CLSTN2: variants seen among roughly 807,000 people sequenced by gnomAD.
The protein encoded by CLSTN2 is calsyntenin-2.
CLSTN2 carries 48 observed loss-of-function variants against 101.2 expected under a neutral mutation model. The ratio of observed to expected loss-of-function variants is 0.47; its 90% CI spans 0.38 to 0.60. The LOEUF is 0.60. Among genes scored for constraint, CLSTN2 ranks in the 20% least tolerant of loss-of-function variants. CLSTN2 has a pLI of 0.00. For synonymous variants in CLSTN2, 481 were observed against 463.6 expected (o/e 1.04, Z -0.48); for missense variants, 1,160 against 1,238.2 (o/e 0.94, Z 0.95).
intron 1 of CLSTN2, among the ~76,000 whole-genome samples, chr3:139,984,891 A>G (rs892049663): frequency 6.6e-6 from 1 of 152,130 alleles, no homozygotes; most frequent in Admixed American, 6.6e-5. Flanking sequence ...CCTACTCCCC[A>G]CTGCCAATCC....
At chr3:140,302,064 T>A (rs1414530403) in intron 2 of CLSTN2, among the ~76,000 whole-genome samples, 1 of 152,256 alleles carries the variant, frequency 6.6e-6, no homozygotes, top group African/African-American at 2.4e-5. Flanking sequence ...GCTTCTATGC[T>A]GTTATGTAGA....
chr3:140,034,770 G>A (rs2007623874), intron 1 of CLSTN2, among the ~76,000 whole-genome samples: 1 of 152,198 alleles, frequency 6.6e-6, no homozygotes, highest in African/African-American at 2.4e-5. Context: ...GTGTGAGATA[G>A]AGACTGTAAG....
At chr3:140,094,613 C>G (rs910502077) in intron 1 of CLSTN2, among the ~76,000 whole-genome samples, 2 of 152,286 alleles carry the variant, frequency 1.3e-5, no homozygotes, top group Admixed American at 6.5e-5. Flanking sequence ...GCTCAAAACT[C>G]TTTCTAATTT....
intron 8 of CLSTN2, among the ~76,000 whole-genome samples, chr3:140,513,017 A>T (rs1171279297): frequency 6.6e-6 from 1 of 152,206 alleles, no homozygotes; most frequent in African/African-American, 2.4e-5. Context: ...TTTTCAACTA[A>T]GACGATGGGA....
chr3:140,391,937 T>A (rs1576545689), intron 2 of CLSTN2, among the ~76,000 whole-genome samples: 1 of 152,262 alleles, frequency 6.6e-6, no homozygotes, highest in Admixed American at 6.5e-5. Context: ...GTTTGGGAAC[T>A]GAAGCTAAAT....
At chr3:140,368,743 T>C (rs2087820441) in intron 2 of CLSTN2, among the ~76,000 whole-genome samples, 2 of 152,184 alleles carry the variant, frequency 1.3e-5, no homozygotes, top group African/African-American at 4.8e-5. Flanking sequence ...TGAAAGGCCC[T>C]CTGCATGGGA....
chr3:140,145,881 G>A (rs2009773608), intron 1 of CLSTN2, among the ~76,000 whole-genome samples: 1 of 152,230 alleles, frequency 6.6e-6, no homozygotes, highest in South Asian at 2.1e-4. Context: ...ATAGAACATT[G>A]TGTCTGATGA....
chr3:139,952,923 A>T (rs1475159352), intron 1 of CLSTN2, among the ~76,000 whole-genome samples: 2 of 152,060 alleles, frequency 1.3e-5, no homozygotes, highest in Non-Finnish European at 2.9e-5. Context: ...ACCTCCCTTC[A>T]CCAAGGGTGG....
chr3:139,944,884 C>T (rs1237660002), intron 1 of CLSTN2, among the ~76,000 whole-genome samples: 3 of 152,204 alleles, frequency 2.0e-5, no homozygotes, highest in African/African-American at 2.4e-5. Flanking sequence ...TACTCGCTTC[C>T]GCACATGCGT....
At chr3:140,339,805 A>T (rs751717582) in intron 2 of CLSTN2, among the ~76,000 whole-genome samples, 11 of 152,260 alleles carry the variant, frequency 7.2e-5, no homozygotes, top group Admixed American at 1.3e-4. Context: ...AACTGTGCTT[A>T]GTCATATACC....
chr3:140,400,305 A>T (rs1249973297), intron 2 of CLSTN2, among the ~76,000 whole-genome samples: 1 of 152,144 alleles, frequency 6.6e-6, no homozygotes, highest in Non-Finnish European at 1.5e-5. Flanking sequence ...GGGCAGCAAG[A>T]CGTGGTGGAC....
chr3:140,010,181 T>A (rs1361552498), intron 1 of CLSTN2, among the ~76,000 whole-genome samples: 1 of 152,268 alleles, frequency 6.6e-6, no homozygotes, highest in Non-Finnish European at 1.5e-5. Flanking sequence ...TAAAAGTAAC[T>A]GTTTGCGGTA....
chr3:140,322,715 T>G (rs1215679502), intron 2 of CLSTN2, among the ~76,000 whole-genome samples: 1 of 152,232 alleles, frequency 6.6e-6, no homozygotes, highest in Non-Finnish European at 1.5e-5. Context: ...ACAACTGGAA[T>G]GCTGTCACTC....
chr3:140,446,956 G>A (rs1375218749), intron 5 of CLSTN2, among the ~76,000 whole-genome samples: 1 of 152,152 alleles, frequency 6.6e-6, no homozygotes, highest in Non-Finnish European at 1.5e-5. Flanking sequence ...TCCAAGCAGA[G>A]CCTGGCACAT....
chr3:140,195,770 C>T (rs1411545405), intron 2 of CLSTN2, among the ~76,000 whole-genome samples: 3 of 152,190 alleles, frequency 2.0e-5, no homozygotes, highest in South Asian at 2.1e-4. Flanking sequence ...GTGAATTTTA[C>T]TTGAAGTTAC....
intron 1 of CLSTN2, among the ~76,000 whole-genome samples, chr3:140,001,631 CT>C (rs113471373): frequency 2.6e-4 from 39 of 151,870 alleles, no homozygotes; most frequent in African/African-American, 7.3e-4. Flanking sequence ...ATCCAAAATA[CT>C]TTTTTTAAGC....
chr3:140,277,757 G>A (rs2086808459), intron 2 of CLSTN2, among the ~76,000 whole-genome samples: 1 of 152,116 alleles, frequency 6.6e-6, no homozygotes, highest in Non-Finnish European at 1.5e-5. Context: ...TTTGCGCTGG[G>A]TGGTTCCATC....
intron 1 of CLSTN2, among the ~76,000 whole-genome samples, chr3:140,037,508 G>A (rs993278266): frequency 3.3e-5 from 5 of 150,746 alleles, no homozygotes; most frequent in East Asian, 2.0e-4. Context: ...GTAGTTTTTT[G>A]TTTGTTTCTT....
intron 2 of CLSTN2, among the ~76,000 whole-genome samples, chr3:140,375,721 C>T (rs538829051): frequency 1.3e-5 from 2 of 152,260 alleles, no homozygotes; most frequent in Non-Finnish European, 2.9e-5. Context: ...TTATCTTGCT[C>T]ATTTTTATTT....
Sources: gnomAD v4.1 joint callset for allele counts (sites outside exome capture counted in the v4.1 genomes callset) on GRCh38, gnomAD v4.1.1 for gene constraint, MANE v1.5 for transcripts, NCBI Gene and HGNC (gene_info 2026-07-23, HGNC 2026-07-21) for gene names.